Variants in ABCA4 observed in about 807,000 individuals in gnomAD.
The protein encoded by ABCA4 is ATP binding cassette subfamily A member 4, also known as retinal-specific phospholipid-transporting ATPase ABCA4.
In ABCA4, 196 loss-of-function variants were observed where a neutral mutation model predicts 263.7. The observed-to-expected ratio is 0.74, with a 90% CI of 0.66 to 0.84. The LOEUF is 0.84. ABCA4 is among the 40% of genes least tolerant of loss of function. The probability of loss-of-function intolerance (pLI) is 0.00; values close to 1 mark genes in which losing one functional copy is unlikely to be tolerated. For missense variants in ABCA4, 2,792 were observed against 2,855.1 expected, an observed-to-expected ratio of 0.98 and a Z score of 0.50; for synonymous variants, 1,133 against 1,094.2, an observed-to-expected ratio of 1.04 and a Z score of -0.70.
chr1:94,077,547 G>C (rs1223568311), intron 11 of ABCA4, 143 bp downstream of exon 11: 2 of 771,028 alleles, frequency 2.6e-6, no homozygotes, highest in Non-Finnish European at 4.2e-6. Context: ...AATGAGAACT[G>C]TACAGGGGAT....
intron 40 of ABCA4, among the ~76,000 whole-genome samples, chr1:94,009,406 G>A (rs956078276): frequency 2.5e-4 from 38 of 152,194 alleles, no homozygotes; most frequent in African/African-American, 8.7e-4. Flanking sequence ...ACCTTCTGTT[G>A]TTCCCCATCA....
At chr1:94,016,961 G>A (rs1296625699) in intron 36 of ABCA4, among the ~76,000 whole-genome samples, 1 of 152,096 alleles carries the variant, frequency 6.6e-6, no homozygotes, top group Non-Finnish European at 1.5e-5. Flanking sequence ...AGGTCCAGGG[G>A]CATGAGGACC....
chr1:94,093,591 G>A (rs977905111), intron 6 of ABCA4, among the ~76,000 whole-genome samples: 4 of 152,178 alleles, frequency 2.6e-5, no homozygotes, highest in African/African-American at 4.8e-5. Context: ...CCAGGGGCCT[G>A]CTCTTGTCTT....
intron 24 of ABCA4, among the ~76,000 whole-genome samples, chr1:94,038,210 A>G (rs1244589256): frequency 6.6e-6 from 1 of 152,212 alleles, no homozygotes; most frequent in East Asian, 1.9e-4. Context: ...GACTGTGAAC[A>G]AGTGTCAGGT....
intron 2 of ABCA4, among the ~76,000 whole-genome samples, chr1:94,112,098 A>G (rs756337069): frequency 6.6e-6 from 1 of 152,206 alleles, no homozygotes; most frequent in Non-Finnish European, 1.5e-5. Context: ...AAGATCAAGA[A>G]TAGAGGACTG....
At chr1:94,073,236 C>T (rs989489106) in intron 11 of ABCA4, among the ~76,000 whole-genome samples, 2 of 152,212 alleles carry the variant, frequency 1.3e-5, no homozygotes, top group African/African-American at 4.8e-5. Context: ...GCTATCTTCT[C>T]CTTTCTGTTC....
intron 5 of ABCA4, among the ~76,000 whole-genome samples, chr1:94,099,358 A>T (rs552820148): frequency 1.3e-5 from 2 of 152,206 alleles, no homozygotes; most frequent in East Asian, 1.9e-4. Context: ...TTTCTCTAGA[A>T]CTCCGCAGTA....
At chr1:94,005,323 G>T in intron 44 of ABCA4, 118 bp downstream of exon 44, 2 of 1,346,874 alleles carry the variant, frequency 1.5e-6, no homozygotes, top group South Asian at 1.2e-5. Flanking sequence ...GTAAACATTT[G>T]TTGGAATGAA....
rs142062430 is a variant in ABCA4 at position 93,997,507 on chromosome 1, T to C, written c.6729+354A>G. Among the ~76,000 whole-genome samples, 588 of 151,794 alleles carry C rather than the reference T, an allele frequency of 3.9e-3. 4 individuals carry two copies. The highest frequency in any genetic ancestry group is 0.013 in the African/African-American group (539 of 41,342). ...CCTGTCTTAAACTCCTGGGCTCAAGTGATCCTCCTGCCTTGGCCTCCCAAA... is the reference window on the plus strand; with the variant it reads ...CCTGTCTTAAACTCCTGGGCTCAAGCGATCCTCCTGCCTTGGCCTCCCAAA... On this transcript the variant is annotated intron_variant, in intron 48 of 49. Coordinates refer to ENST00000370225, the MANE Select transcript of ABCA4 (RefSeq NM_000350.3).
rs1409497477 is a variant in ABCA4, at chr1:94,080,613, G to T, written c.964C>A (p.Leu322Ile). The change falls in exon 8 of 50, where the codon CTC becomes ATC. Residue 322 changes from leucine to isoleucine, a missense_variant. Coordinates refer to ENST00000370225, the MANE Select transcript of ABCA4 (RefSeq NM_000350.3). ...CCTCCCTCGGGGTAGCCACACAGGA[G>T]GTCAGACAGGATGCCCATCAGCTTT... ...FTKLMGILSD[L>I]LCGYPEGGGS... 1.8e-5 allele frequency: 29 copies of T among 1,614,024 alleles called. No individual in the cohort carries two copies. The highest frequency in any genetic ancestry group is 2.4e-5 in the Non-Finnish European group (28 of 1,180,048).
chr1:94,001,486 T>A, intron 45 of ABCA4: 1 of 526,552 alleles, frequency 1.9e-6, no homozygotes, highest in Middle Eastern at 4.7e-4. Flanking sequence ...TGCGTGGGCA[T>A]GGCCTCAGGC....
rs573418899 is a variant in ABCA4 at position 94,032,039 on chromosome 1, G to A, written c.3867C>T (p.Gly1289=). Residue 1289 remains glycine, a synonymous_variant, in exon 27 of 50, where the codon GGC becomes GGT. Transcript: ENST00000370225. ...TGACGTTTTCTCTTTTCTGCTGAGC[G>A]CCACCTGTTTTGAGAGATTGAATTA... is the stretch of plus-strand genomic sequence containing the variant. ...DSDSGPLFAG[G]AQQKRENVNP... 137 of 1,610,616 alleles carry A rather than the reference G, an allele frequency of 8.5e-5. 6 individuals are homozygous for A. In the South Asian group the frequency reaches 1.2e-3, roughly 14 times the overall value.
intron 6 of ABCA4, among the ~76,000 whole-genome samples, chr1:94,092,276 G>A (rs937210347): frequency 1.5e-4 from 23 of 152,206 alleles, no homozygotes; most frequent in Admixed American, 1.4e-3. Flanking sequence ...CAGACCAGAG[G>A]TGAAAAGCAG....
chr1:94,035,741 A>G (rs1175835116), intron 26 of ABCA4, among the ~76,000 whole-genome samples: 2 of 152,202 alleles, frequency 1.3e-5, no homozygotes, highest in Admixed American at 6.5e-5. Flanking sequence ...GTGTGGGTGG[A>G]CACCTCGTGT....
chr1:94,056,302 G>A (rs1660975524), intron 15 of ABCA4, among the ~76,000 whole-genome samples: 1 of 152,218 alleles, frequency 6.6e-6, no homozygotes, highest in South Asian at 2.1e-4. Flanking sequence ...GAAAACTAGT[G>A]AAATGGGCTG....
At position 94,012,041 on chromosome 1, in the gene ABCA4, A is replaced by C. The variant is rs578172905; in HGVS notation, c.5461-656T>G. Among the ~76,000 whole-genome samples the C allele has an allele frequency of 1.1e-3, 171 of 152,290 alleles. 2 individuals are homozygous for C. The highest frequency in any genetic ancestry group is 3.8e-3 in the African/African-American group (160 of 41,562). ...CAGGGACTTGTTTTCAAGTGGTCGGACTTGGCATGTTGGGCAGAGCCTCCC... is the reference window on the plus strand; with the variant it reads ...CAGGGACTTGTTTTCAAGTGGTCGGCCTTGGCATGTTGGGCAGAGCCTCCC... On this transcript the variant is annotated intron_variant, in intron 38 of 49. Coordinates refer to ENST00000370225, the MANE Select transcript of ABCA4 (RefSeq NM_000350.3).
intron 6 of ABCA4, among the ~76,000 whole-genome samples, chr1:94,096,607 G>A (rs1333912136): frequency 6.6e-6 from 1 of 152,198 alleles, no homozygotes; most frequent in African/African-American, 2.4e-5. Flanking sequence ...AGCATGTGAA[G>A]ACGTAAGGAA....
chr1:94,052,937 T>C (rs1286218671), intron 16 of ABCA4, among the ~76,000 whole-genome samples: 1 of 152,208 alleles, frequency 6.6e-6, no homozygotes, highest in East Asian at 1.9e-4. Context: ...CTGCAGTTTC[T>C]GGGGACTGGT....
At chr1:94,083,559 G>C in intron 6 of ABCA4, 118 bp from the exon 7 acceptor site, 1 of 728,602 alleles carries the variant, frequency 1.4e-6, no homozygotes, top group South Asian at 1.8e-5. Flanking sequence ...CTTTCTGATC[G>C]CAGGATCTTT....
Sources: gnomAD v4.1 joint callset for allele counts (sites outside exome capture counted in the v4.1 genomes callset) on GRCh38, gnomAD v4.1.1 for gene constraint, MANE v1.5 for transcripts, NCBI Gene and HGNC (gene_info 2026-07-23, HGNC 2026-07-21) for gene names.